THRB: variants seen among roughly 807,000 people sequenced by gnomAD.
THRB encodes the protein nuclear receptor subfamily 1 group A member 2.
Under a neutral mutation model 47.8 loss-of-function variants are expected in THRB, and 12 were observed. The ratio of observed to expected loss-of-function variants is 0.25; its 90% CI spans 0.16 to 0.41. THRB has a LOEUF of 0.41. THRB is among the 10% of genes least tolerant of loss of function. The pLI, the probability that THRB is intolerant of heterozygous loss-of-function variation, is 1.00. For missense variants in THRB, 348 were observed against 589.2 expected (o/e 0.59, Z 4.24); for synonymous variants, 218 against 212.2 (o/e 1.03, Z -0.24).
intron 5 of THRB, among the ~76,000 whole-genome samples, chr3:24,189,529 G>A (rs367697212): frequency 6.8e-6 from 1 of 147,822 alleles, no homozygotes; most frequent in East Asian, 1.9e-4. Flanking sequence ...TGTTTTTTTT[G>A]CCTTATGAGC....
At chr3:24,237,675 C>T (rs1041659859) in intron 3 of THRB, among the ~76,000 whole-genome samples, 6 of 152,062 alleles carry the variant, frequency 3.9e-5, no homozygotes, top group African/African-American at 2.4e-5. Flanking sequence ...GGAATAAGGC[C>T]GTAGCTCTCA....
At chr3:24,450,151 T>G (rs1338914312) in intron 1 of THRB, among the ~76,000 whole-genome samples, 1 of 152,168 alleles carries the variant, frequency 6.6e-6, no homozygotes, top group African/African-American at 2.4e-5. Flanking sequence ...AAAAATCTCG[T>G]TTAATTATTT....
chr3:24,460,253 A>AC (rs1228471233), intron 1 of THRB, among the ~76,000 whole-genome samples: 1 of 151,994 alleles, frequency 6.6e-6, no homozygotes, highest in Non-Finnish European at 1.5e-5. Context: ...GAAGGTTATT[A>AC]TTTTTTTTCT....
chr3:24,388,074 T>A (rs2066276529), intron 1 of THRB, among the ~76,000 whole-genome samples: 1 of 152,116 alleles, frequency 6.6e-6, no homozygotes, highest in Non-Finnish European at 1.5e-5. Flanking sequence ...TATAACTGAT[T>A]TCCCAGCTAC....
chr3:24,471,325 G>C (rs1003350260), intron 1 of THRB, among the ~76,000 whole-genome samples: 11 of 152,166 alleles, frequency 7.2e-5, no homozygotes, highest in Admixed American at 7.2e-4. Flanking sequence ...AGCTCTCCAG[G>C]TGATTATAAC....
chr3:24,212,341 G>A (rs2046123857), intron 4 of THRB, among the ~76,000 whole-genome samples: 1 of 151,868 alleles, frequency 6.6e-6, no homozygotes, highest in African/African-American at 2.4e-5. Context: ...GAGGTTGTAG[G>A]GAGCCGAGAT....
intron 2 of THRB, among the ~76,000 whole-genome samples, chr3:24,330,678 CACA>C (rs2061867416): frequency 6.6e-6 from 1 of 152,118 alleles, no homozygotes; most frequent in Non-Finnish European, 1.5e-5. Context: ...GAACAGAAAT[CACA>C]ACACTTGCCC....
chr3:24,412,703 TCAAATTATCA>T (rs1481652588), intron 1 of THRB, among the ~76,000 whole-genome samples: 1 of 151,812 alleles, frequency 6.6e-6, no homozygotes, highest in African/African-American at 2.4e-5. Context: ...CTCCAAATTA[TCAAATTATCA>T]CAAATTATCA....
At chr3:24,179,817 G>T (rs1303883030) in intron 5 of THRB, among the ~76,000 whole-genome samples, 2 of 152,122 alleles carry the variant, frequency 1.3e-5, no homozygotes, top group African/African-American at 2.4e-5. Context: ...TTATATTCCT[G>T]ATATCAAAAA....
chr3:24,206,849 A>G (rs2045421127), intron 4 of THRB, among the ~76,000 whole-genome samples: 1 of 152,352 alleles, frequency 6.6e-6, no homozygotes, highest in South Asian at 2.1e-4. Context: ...ACAAACTACC[A>G]TCAGAGAATA....
rs1390936897 is a variant in THRB, at chr3:24,203,847, C to G, written c.23-13513G>C. 2.6e-5 allele frequency among the ~76,000 whole-genome samples: 4 copies of G among 152,256 alleles called. No individual in the cohort carries two copies. In the East Asian group the frequency reaches 7.7e-4, roughly 29 times the overall value. On this transcript the variant is annotated intron_variant, in intron 4 of 10. Coordinates refer to ENST00000646209, the MANE Select transcript of THRB (RefSeq NM_001354712.2). Reference sequence around the variant, plus strand: ...TCCAATGGCCTTAGCAAACGGCACACCAGGAGATTATATCCCACGCCTGGC... The same window carrying G: ...TCCAATGGCCTTAGCAAACGGCACAGCAGGAGATTATATCCCACGCCTGGC...
chr3:24,390,797 A>AAAAATATAT (rs5847290), intron 1 of THRB, among the ~76,000 whole-genome samples: 137 of 137,848 alleles, frequency 9.9e-4, no homozygotes, highest in African/African-American at 3.6e-3. Context: ...AAAAAAAAAA[A>AAAAATATAT]ATATATATAT....
intron 3 of THRB, among the ~76,000 whole-genome samples, chr3:24,272,623 C>T (rs1393741460): frequency 6.6e-6 from 1 of 152,144 alleles, no homozygotes; most frequent in Non-Finnish European, 1.5e-5. Context: ...CATTGACTCA[C>T]ACTTTTCTCA....
chr3:24,354,007 G>A (rs1468976407), intron 1 of THRB, among the ~76,000 whole-genome samples: 2 of 152,092 alleles, frequency 1.3e-5, no homozygotes, highest in Non-Finnish European at 2.9e-5. Context: ...AGTATTCCAT[G>A]GGGTATATGT....
At chr3:24,308,707 A>G (rs1287988571) in intron 2 of THRB, among the ~76,000 whole-genome samples, 1 of 152,210 alleles carries the variant, frequency 6.6e-6, no homozygotes, top group Non-Finnish European at 1.5e-5. Flanking sequence ...AATACACCAT[A>G]GTTAACACTT....
chr3:24,409,907 G>T (rs1027101197), intron 1 of THRB, among the ~76,000 whole-genome samples: 2 of 151,850 alleles, frequency 1.3e-5, no homozygotes, highest in Non-Finnish European at 1.5e-5. Flanking sequence ...CAATCTGTCT[G>T]GTTTACCTAT....
rs527952371 is a variant in THRB at position 24,443,166 on chromosome 3, G to C, written c.-261+51486C>G. Among the ~76,000 whole-genome samples the C allele has an allele frequency of 2.6e-5, 4 of 152,278 alleles. No homozygotes were observed. The South Asian group carries it at 8.3e-4, about 32-fold the overall frequency. On this transcript the variant is annotated intron_variant, in intron 1 of 10. Coordinates refer to ENST00000646209, the MANE Select transcript of THRB (RefSeq NM_001354712.2). ...CAGCACTCCAGCCTGGCAACAGAGT[G>C]AGATTCCATCTCAAACAAACAAACG...
At chr3:24,334,190 C>T (rs1245196391) in intron 2 of THRB, among the ~76,000 whole-genome samples, 1 of 152,134 alleles carries the variant, frequency 6.6e-6, no homozygotes, top group Non-Finnish European at 1.5e-5. Context: ...TGCAATAACA[C>T]AGGTACAGGG....
At chr3:24,391,038 T>G (rs1254007826) in intron 1 of THRB, among the ~76,000 whole-genome samples, 2 of 151,864 alleles carry the variant, frequency 1.3e-5, no homozygotes, top group Admixed American at 6.6e-5. Flanking sequence ...ACAGGCAGAG[T>G]GCAGGTGCAC....
Sources: gnomAD v4.1 joint callset for allele counts (sites outside exome capture counted in the v4.1 genomes callset) on GRCh38, gnomAD v4.1.1 for gene constraint, MANE v1.5 for transcripts, NCBI Gene and HGNC (gene_info 2026-07-23, HGNC 2026-07-21) for gene names.